Variants in ZC3H4 observed in about 807,000 individuals in gnomAD.
The protein encoded by ZC3H4 is zinc finger CCCH-type containing 4, also known as zinc finger CCCH domain-containing protein 4.
A neutral mutation model predicts 108.3 loss-of-function variants in ZC3H4; 13 were observed. The observed-to-expected ratio is 0.12, with a 90% CI of 0.08 to 0.19. The LOEUF (loss-of-function observed/expected upper bound fraction) is 0.19. Ranked by LOEUF, ZC3H4 falls within the 10% of genes least tolerant of loss-of-function variation. ZC3H4 has a pLI of 1.00. For missense variants in ZC3H4, 1,734 were observed against 1,838.8 expected, an observed-to-expected ratio of 0.94 and a Z score of 1.04; for synonymous variants, 917 against 749.6, an observed-to-expected ratio of 1.22 and a Z score of -3.65.
In ZC3H4 at chr19:47,095,463, G is replaced by A. The variant is rs140471355; in HGVS notation, c.162-855C>T. On this transcript the variant is annotated intron_variant, in intron 2 of 14. Coordinates refer to ENST00000253048, the MANE Select transcript of ZC3H4 (RefSeq NM_015168.2). ...CCTCCTGAGGGCCTCACATGATACC[G>A]GCCCTGCTTTCTCTCCCTCCTCTGA... is the stretch of plus-strand genomic sequence containing the variant. Among the ~76,000 whole-genome samples the A allele has an allele frequency of 1.6e-3, 237 of 152,166 alleles. 1 individual carries two copies. Among genetic ancestry groups the A allele is most frequent in the Admixed American group, 3.4e-3 (52 of 15,272 alleles).
chr19:47,076,082 G>A (rs1242816314), intron 11 of ZC3H4, among the ~76,000 whole-genome samples: 1 of 152,246 alleles, frequency 6.6e-6, no homozygotes, highest in African/African-American at 2.4e-5. Flanking sequence ...TGTGGGCTGA[G>A]CCCCATTAGG....
At position 47,067,088 on chromosome 19, in the gene ZC3H4, G is replaced by A. The variant is rs766277002; in HGVS notation, c.3180C>T (p.Ala1060=). 2.0e-5 allele frequency: 32 copies of A among 1,610,364 alleles called. 1 individual carries two copies. The highest frequency in any genetic ancestry group is 1.6e-4 in the Middle Eastern group (1 of 6,078). Reference sequence around the variant, plus strand: ...TGGGTTTGTCGCTGGAACCGGGGGCGGCCGAGGAGCCGGTGGCATTGACTG... The same window carrying A: ...TGGGTTTGTCGCTGGAACCGGGGGCAGCCGAGGAGCCGGTGGCATTGACTG... The part of the protein sequence containing the change: ...LKTVNATGSS[A]APGSSDKPSD... The change falls in exon 15 of 15, where the codon GCC becomes GCT. Residue 1060 remains alanine (A), a synonymous_variant. Transcript: ENST00000253048. The surrounding 1 kb of genome is among the most constrained non-coding windows in gnomAD (Gnocchi z 6.4).
chr19:47,075,019 T>C (rs952427786), intron 11 of ZC3H4, among the ~76,000 whole-genome samples: 3 of 152,146 alleles, frequency 2.0e-5, no homozygotes, highest in Admixed American at 1.3e-4. Context: ...GTCCTGCCCC[T>C]CTGCCCAGGA....
At chr19:47,111,442 G>T (rs547843681) in intron 2 of ZC3H4, among the ~76,000 whole-genome samples, 1 of 152,136 alleles carries the variant, frequency 6.6e-6, no homozygotes, top group African/African-American at 2.4e-5. Context: ...TTTCTCTCCC[G>T]GAAGAGACGG....
rs1311998900 is a variant in ZC3H4, at chr19:47,066,872, G to A, written c.3396C>T (p.Gly1132=). The change falls in exon 15 of 15, where the codon GGC becomes GGT. Residue 1132 remains glycine, a synonymous_variant. Transcript: ENST00000253048. ...DPRVLAAGGL[G]QGGGGGQSSV... ...TGCTCTGCCCGCCCCCTCCGCCCTG[G>A]CCCAGTCCACCGGCCGCCAGCACGC... is the stretch of plus-strand genomic sequence containing the variant. 1.3e-6 allele frequency: 2 copies of A among 1,598,582 alleles called. No homozygotes were observed. The highest frequency in any genetic ancestry group is 1.7e-6 in the Non-Finnish European group (2 of 1,178,916).
intron 13 of ZC3H4, among the ~76,000 whole-genome samples, chr19:47,070,223 T>C (rs539304065): frequency 6.6e-6 from 1 of 152,284 alleles, no homozygotes; most frequent in East Asian, 1.9e-4. Flanking sequence ...TGTGGCCGCC[T>C]AGATCCTCCT....
intron 2 of ZC3H4, among the ~76,000 whole-genome samples, chr19:47,101,868 GAA>G (rs754543267): frequency 6.3e-5 from 8 of 127,120 alleles, no homozygotes; most frequent in African/African-American, 8.7e-5. Flanking sequence ...ACTCTGTCTC[GAA>G]AAAAAAAAAA....
intron 2 of ZC3H4, among the ~76,000 whole-genome samples, chr19:47,105,962 C>T (rs2057963197): frequency 6.6e-6 from 1 of 152,168 alleles, no homozygotes; most frequent in Non-Finnish European, 1.5e-5. Context: ...GTACCAGCCA[C>T]CCCGGGTTCT....
chr19:47,094,490 A>G lies in ZC3H4; in HGVS notation c.280T>C (p.Ser94Pro). The change falls in exon 3 of 15, where the codon TCG becomes CCG. Residue 94 changes from serine to proline, a missense_variant. By Grantham distance (74) the Ser-to-Pro change is moderately conservative. Around this residue, in one of 9 missense-constraint regions of ZC3H4, gnomAD observed 403 missense variants for 457.0 expected, o/e 0.88. Coordinates refer to ENST00000253048, the MANE Select transcript of ZC3H4 (RefSeq NM_015168.2). The part of the protein sequence containing the change: ...KEKGEKHHSD[S>P]DEEKSHRRLK... ...CTCCTGTGGGACTTCTCCTCATCCG[A>G]ATCACTGTGATGCTTCTCCCCCTTT... The G allele has an allele frequency of 6.2e-7, 1 of 1,613,996 alleles. No homozygotes were observed. The highest frequency in any genetic ancestry group is 1.3e-5 in the African/African-American group (1 of 74,978).
rs541076287 is a variant in ZC3H4 at position 47,090,441 on chromosome 19, G to A, written c.493-252C>T. On this transcript the variant is annotated intron_variant, in intron 4 of 14. Transcript: ENST00000253048. ...AAAGAAAACAGAACCACAGACCCCC[G>A]ATCCCTGATGAACAAAGGGGAGAAG... Among the ~76,000 whole-genome samples the A allele has an allele frequency of 1.1e-4, 16 of 152,238 alleles. No individual in the cohort carries two copies. In the South Asian group the frequency reaches 1.2e-3, roughly 12 times the overall value.
rs2057195002 is a variant in ZC3H4, at chr19:47,066,430, C to G, written c.3838G>C (p.Gly1280Arg). The stretch of plus-strand genomic sequence containing the variant: ...TTCAGGGATGCCGCATCCTGCTCAC[C>G]CTCGCGGGCCGGACTGTTCCCAGCA... ...PFAGNSPARE[G>R]EQDAASLKDV... The change falls in exon 15 of 15, where the codon GGT (glycine) becomes CGT (arginine). Residue 1280 changes from glycine to arginine, a missense_variant. Transcript: ENST00000253048. 3 of 1,570,662 alleles carry G rather than the reference C, an allele frequency of 1.9e-6. No homozygotes were observed. Among genetic ancestry groups the G allele is most frequent in the Non-Finnish European group, 2.6e-6 (3 of 1,160,720 alleles).
At chr19:47,078,569 C>G (rs2057463911) in intron 11 of ZC3H4, among the ~76,000 whole-genome samples, 1 of 151,548 alleles carries the variant, frequency 6.6e-6, no homozygotes, top group Non-Finnish European at 1.5e-5. Flanking sequence ...GATCACCTGT[C>G]GAGGTGGGTG....
chr19:47,111,643 T>TAA (rs149339889), intron 2 of ZC3H4, among the ~76,000 whole-genome samples: 3 of 151,478 alleles, frequency 2.0e-5, no homozygotes, highest in Non-Finnish European at 2.9e-5. Flanking sequence ...GAGTCTTCTC[T>TAA]AAAAAAATAG....
In ZC3H4 at chr19:47,067,476, G is replaced by T; in HGVS notation, c.2792C>A (p.Ala931Asp). ...AATGTTCACGGCCTTCTCCCGCAGG[G>T]CCCGCTCCCCTTCCTCCTCCTCCGT... is the stretch of plus-strand genomic sequence containing the variant. ...PPTEEEEGER[A>D]LREKAVNIPL... The change falls in exon 15 of 15, where the codon GCC (alanine) becomes GAC (aspartate). Residue 931 changes from alanine (A) to aspartate (D), a missense_variant. By Grantham distance (126) the Ala-to-Asp change is moderately radical (BLOSUM62 -2). Around this residue, in one of 9 missense-constraint regions of ZC3H4, gnomAD observed 540 missense variants for 484.1 expected, o/e 1.12. Coordinates refer to ENST00000253048, the MANE Select transcript of ZC3H4 (RefSeq NM_015168.2). The surrounding 1 kb of genome is among the most constrained non-coding windows in gnomAD (Gnocchi z 6.4). The T allele has an allele frequency of 6.3e-7, 1 of 1,582,028 alleles. No homozygotes were observed.
At chr19:47,093,060 C>T (rs2057763464) in intron 4 of ZC3H4, among the ~76,000 whole-genome samples, 1 of 151,350 alleles carries the variant, frequency 6.6e-6, no homozygotes. Context: ...ACTAAAAACA[C>T]AAAAACTTGG....
intron 10 of ZC3H4, among the ~76,000 whole-genome samples, chr19:47,081,978 T>C (rs1455350303): frequency 1.3e-5 from 2 of 152,166 alleles, no homozygotes; most frequent in Admixed American, 6.5e-5. Flanking sequence ...ACATGCTCCA[T>C]GTGCATCTCA....
rs932955566 is a variant in ZC3H4 at position 47,066,432 on chromosome 19, T to C, written c.3836A>G (p.Glu1279Gly). The change falls in exon 15 of 15, where the codon GAG becomes GGG. Residue 1279 changes from glutamate (E) to glycine (G), a missense_variant. This residue lies in a region of ZC3H4 where 518 missense variants were observed against 499.6 expected (regional missense o/e 1.04). Transcript: ENST00000253048. ...CAGGGATGCCGCATCCTGCTCACCC[T>C]CGCGGGCCGGACTGTTCCCAGCAAA... The part of the protein sequence containing the change: ...SPFAGNSPAR[E>G]GEQDAASLKD... The C allele has an allele frequency of 6.4e-7, 1 of 1,571,424 alleles. No individual in the cohort carries two copies. Among genetic ancestry groups the C allele is most frequent in the Non-Finnish European group, 8.6e-7 (1 of 1,160,942 alleles).
At chr19:47,107,920 T>C (rs1808457708) in intron 2 of ZC3H4, among the ~76,000 whole-genome samples, 1 of 152,202 alleles carries the variant, frequency 6.6e-6, no homozygotes, top group South Asian at 2.1e-4. Flanking sequence ...GTCAAACCCA[T>C]GAAGTTTGGC....
intron 9 of ZC3H4, among the ~76,000 whole-genome samples, chr19:47,083,993 T>C (rs1045320501): frequency 6.6e-6 from 1 of 152,138 alleles, no homozygotes; most frequent in African/African-American, 2.4e-5. Flanking sequence ...GCTTTAATCA[T>C]TCCCCATTCA....
Sources: gnomAD v4.1 joint callset for allele counts (sites outside exome capture counted in the v4.1 genomes callset) on GRCh38, gnomAD v4.1.1 for gene constraint, gnomAD v4.1.1 regional missense constraint, Gnocchi (gnomAD v3.1) non-coding constraint, MANE v1.5 for transcripts, NCBI Gene and HGNC (gene_info 2026-07-23, HGNC 2026-07-21) for gene names.